The following NXPH1 variants were observed in gnomAD, a reference collection of about 807,000 sequenced individuals.
NXPH1 encodes the protein neurexophilin 1.
Under a neutral mutation model 23.7 loss-of-function variants are expected in NXPH1, and 5 were observed. That is an observed-to-expected ratio of 0.21 (90% confidence interval 0.11 to 0.44). The LOEUF (loss-of-function observed/expected upper bound fraction) is 0.44. NXPH1 is among the 20% of genes least tolerant of loss of function. The pLI is 0.99. For missense variants in NXPH1, 324 were observed against 321.6 expected, an observed-to-expected ratio of 1.01 and a Z score of -0.06; for synonymous variants, 144 against 122.2, an observed-to-expected ratio of 1.18 and a Z score of -1.18.
intron 2 of NXPH1, among the ~76,000 whole-genome samples, chr7:8,555,672 C>T (rs1365032030): frequency 1.3e-5 from 2 of 151,730 alleles, no homozygotes; most frequent in Non-Finnish European, 3.0e-5. Context: ...CTTTGTTCGT[C>T]TTGGCAAGGA....
At chr7:8,479,881 G>T (rs910912693) in intron 2 of NXPH1, among the ~76,000 whole-genome samples, 1 of 152,214 alleles carries the variant, frequency 6.6e-6, no homozygotes, top group African/African-American at 2.4e-5. Flanking sequence ...TAAAAACCTA[G>T]TTACCTTCAG....
At chr7:8,488,075 A>G (rs1817187737) in intron 2 of NXPH1, among the ~76,000 whole-genome samples, 1 of 152,094 alleles carries the variant, frequency 6.6e-6, no homozygotes, top group Non-Finnish European at 1.5e-5. Context: ...GTCTTTACTC[A>G]TTATTTTGTC....
chr7:8,609,842 T>C (rs1819577776), intron 2 of NXPH1, among the ~76,000 whole-genome samples: 1 of 152,190 alleles, frequency 6.6e-6, no homozygotes, highest in Non-Finnish European at 1.5e-5. Context: ...GAGAATTATG[T>C]CTTTTATTTT....
At chr7:8,520,575 A>G (rs887340695) in intron 2 of NXPH1, among the ~76,000 whole-genome samples, 1 of 152,162 alleles carries the variant, frequency 6.6e-6, no homozygotes, top group Admixed American at 6.5e-5. Flanking sequence ...TCAGTGATGA[A>G]TGAACATCAT....
At chr7:8,592,248 C>T (rs1819114341) in intron 2 of NXPH1, among the ~76,000 whole-genome samples, 1 of 151,808 alleles carries the variant, frequency 6.6e-6, no homozygotes, top group Non-Finnish European at 1.5e-5. Flanking sequence ...TGTGAGAGTC[C>T]TGGGGTAGGC....
intron 2 of NXPH1, among the ~76,000 whole-genome samples, chr7:8,727,014 T>A (rs1780067562): frequency 6.8e-6 from 1 of 147,100 alleles, no homozygotes. Flanking sequence ...CCTGACTTTT[T>A]AATGATTGTC....
Position 8,751,279 on chromosome 7 carries a change from T to C in NXPH1, c.326T>C (p.Ile109Thr). 1 of 1,613,946 alleles carries C rather than the reference T, an allele frequency of 6.2e-7. No homozygotes were observed. Among genetic ancestry groups the C allele is most frequent in the Non-Finnish European group, 8.5e-7 (1 of 1,179,852 alleles). The stretch of plus-strand genomic sequence containing the variant: ...CGGCCCAGGGCCAAGAGAAGGCCCA[T>C]TGTTAAAACGGGCAAGTTTAAGAAA... ...EPRPRAKRRP[I>T]VKTGKFKKMF... Residue 109 changes from isoleucine (I) to threonine (T), a missense_variant, in exon 3 of 3, where the codon ATT becomes ACT. Physicochemically the swap from Ile to Thr is moderately conservative, Grantham distance 89. Coordinates refer to ENST00000405863, the MANE Select transcript of NXPH1 (RefSeq NM_152745.3). The surrounding 1 kb of genome is among the most constrained non-coding windows in gnomAD (Gnocchi z 4.5).
At chr7:8,715,824 A>G (rs953883002) in intron 2 of NXPH1, among the ~76,000 whole-genome samples, 2 of 151,988 alleles carry the variant, frequency 1.3e-5, no homozygotes, top group Non-Finnish European at 2.9e-5. Context: ...ATGAAGGGAG[A>G]GGTGTCCCCA....
At chr7:8,710,918 T>C (rs1259954114) in intron 2 of NXPH1, among the ~76,000 whole-genome samples, 4 of 151,246 alleles carry the variant, frequency 2.6e-5, no homozygotes, top group Non-Finnish European at 1.5e-5. Flanking sequence ...CGCCTCGGCC[T>C]CCCAAAGTGC....
rs142824259 is a variant in NXPH1 at position 8,750,895 on chromosome 7, T to TA, written c.55-105dup. The TA allele has an allele frequency of 8.0e-3, 8,632 of 1,077,368 alleles. 400 individuals carry two copies. In the African/African-American group the frequency reaches 0.1, roughly 13 times the overall value. 66.7% of individuals were successfully genotyped at this position (1,077,368 alleles called of 1,614,324 possible). ...GTGTTCTTCTCAGATGCGGTGCTTT[T>TA]AAAAAAAAGTGTAATTATTTAATCC... On this transcript the variant is annotated intron_variant, in intron 2 of 2. Coordinates refer to ENST00000405863, the MANE Select transcript of NXPH1 (RefSeq NM_152745.3).
At position 8,721,834 on chromosome 7, in the gene NXPH1, T is replaced by G. The variant is rs573922994; in HGVS notation, c.55-29174T>G. Reference sequence around the variant, plus strand: ...ATCCAGTTCGAAAAAACCATAAATCTCATACCTTCCTTTAACATTATGTGA... The same window carrying G: ...ATCCAGTTCGAAAAAACCATAAATCGCATACCTTCCTTTAACATTATGTGA... On this transcript the variant is annotated intron_variant, in intron 2 of 2. Coordinates refer to ENST00000405863, the MANE Select transcript of NXPH1 (RefSeq NM_152745.3). Among the ~76,000 whole-genome samples the G allele has an allele frequency of 3.3e-5, 5 of 152,324 alleles. No homozygotes were observed. The South Asian group carries it at 1.0e-3, about 32-fold the overall frequency.
intron 2 of NXPH1, among the ~76,000 whole-genome samples, chr7:8,465,346 C>G (rs1816768596): frequency 6.6e-6 from 1 of 152,144 alleles, no homozygotes; most frequent in Admixed American, 6.5e-5. Context: ...CTACTCGCTC[C>G]TCTATGCTCA....
At chr7:8,522,220 G>T (rs1406866336) in intron 2 of NXPH1, among the ~76,000 whole-genome samples, 1 of 152,112 alleles carries the variant, frequency 6.6e-6, no homozygotes, top group African/African-American at 2.4e-5. Flanking sequence ...GAATCCCTGG[G>T]CAATAGGAGG....
At chr7:8,470,882 A>G (rs1380847337) in intron 2 of NXPH1, among the ~76,000 whole-genome samples, 2 of 151,466 alleles carry the variant, frequency 1.3e-5, no homozygotes, top group Non-Finnish European at 2.9e-5. Context: ...TTTTTTTTTT[A>G]AGAAGAAGGA....
chr7:8,654,525 G>T (rs1461473932), intron 2 of NXPH1, among the ~76,000 whole-genome samples: 1 of 152,202 alleles, frequency 6.6e-6, no homozygotes, highest in Non-Finnish European at 1.5e-5. Flanking sequence ...GCGAAGGGAA[G>T]ACTCATTCCT....
intron 2 of NXPH1, among the ~76,000 whole-genome samples, chr7:8,503,274 A>G (rs1817466991): frequency 6.6e-6 from 1 of 152,044 alleles, no homozygotes; most frequent in African/African-American, 2.4e-5. Context: ...AGGTGAAACA[A>G]CTTGCACAAG....
At chr7:8,517,072 A>G (rs1563333409) in intron 2 of NXPH1, among the ~76,000 whole-genome samples, 5 of 152,116 alleles carry the variant, frequency 3.3e-5, no homozygotes, top group Non-Finnish European at 1.5e-5. Flanking sequence ...AGCACCTACT[A>G]TGTTCCAGGC....
At chr7:8,458,043 A>G (rs969257179) in intron 2 of NXPH1, among the ~76,000 whole-genome samples, 3 of 152,220 alleles carry the variant, frequency 2.0e-5, no homozygotes, top group African/African-American at 4.8e-5. Flanking sequence ...TTTAATTGGA[A>G]CTGATGCATT....
At chr7:8,553,726 CCCATCAGG>C (rs1160500009) in intron 2 of NXPH1, among the ~76,000 whole-genome samples, 1 of 151,576 alleles carries the variant, frequency 6.6e-6, no homozygotes, top group African/African-American at 2.4e-5. Flanking sequence ...ATCACCAAGT[CCCATCAGG>C]CTAAGATGTT....
Sources: gnomAD v4.1 joint callset for allele counts (sites outside exome capture counted in the v4.1 genomes callset) on GRCh38, gnomAD v4.1.1 for gene constraint, Gnocchi (gnomAD v3.1) non-coding constraint, MANE v1.5 for transcripts, NCBI Gene and HGNC (gene_info 2026-07-23, HGNC 2026-07-21) for gene names.